The following KIF16B variants were observed in gnomAD, a reference collection of about 807,000 sequenced individuals.
KIF16B encodes kinesin-like protein KIF16B.
Under a neutral mutation model 156.3 loss-of-function variants are expected in KIF16B, and 98 were observed. The ratio of observed to expected loss-of-function variants is 0.63; its 90% CI spans 0.53 to 0.74. The LOEUF (loss-of-function observed/expected upper bound fraction) is 0.74, where lower values mean the gene tolerates loss of function less well. Ranked by LOEUF, KIF16B falls within the 30% of genes least tolerant of loss-of-function variation. The pLI is 0.00. For synonymous variants in KIF16B, 564 were observed against 583.7 expected (o/e 0.97, Z 0.49); for missense variants, 1,421 against 1,606.5 (o/e 0.88, Z 1.97).
intron 22 of KIF16B, among the ~76,000 whole-genome samples, chr20:16,357,920 T>C (rs1239716316): frequency 6.6e-6 from 1 of 152,196 alleles, no homozygotes; most frequent in Non-Finnish European, 1.5e-5. Context: ...CTGGGCACAG[T>C]GGCTCACACC....
At chr20:16,506,865 T>C (rs2068795780) in intron 7 of KIF16B, among the ~76,000 whole-genome samples, 1 of 151,364 alleles carries the variant, frequency 6.6e-6, no homozygotes, top group South Asian at 2.1e-4. Context: ...GAGGCCAAGG[T>C]GGGAGGATCG....
intron 25 of KIF16B, among the ~76,000 whole-genome samples, chr20:16,301,622 T>G (rs1453880879): frequency 6.6e-6 from 1 of 152,148 alleles, no homozygotes; most frequent in East Asian, 1.9e-4. Context: ...TCTGTATATC[T>G]TCTTTGGTGA....
intron 22 of KIF16B, 45 bp from the exon 23 acceptor site, chr20:16,356,497 T>C: frequency 1.2e-6 from 2 of 1,610,514 alleles, no homozygotes; most frequent in Non-Finnish European, 8.5e-7. Context: ...GAAACCAGAA[T>C]CACTCCACTG....
rs541298170 is a variant in KIF16B at position 16,406,289 on chromosome 20, C to T, written c.1695+85G>A. ...TCCACGGTTCTGCACCCCAGAAAGT[C>T]AAAAGATTGGAACCAGAGTGACCAC... On this transcript the variant is annotated intron_variant, in intron 16 of 25. Transcript: ENST00000354981. The T allele has an allele frequency of 2.1e-5, 25 of 1,176,612 alleles. No homozygotes were observed. In the East Asian group the frequency reaches 5.9e-4, roughly 28 times the overall value. 72.9% of individuals were successfully genotyped at this position (1,176,612 alleles called of 1,614,324 possible). A position where few individuals can be genotyped will look rare whatever the true frequency, so the allele number is the denominator to read the frequency against.
chr20:16,565,691 C>T (rs775250947), intron 1 of KIF16B, among the ~76,000 whole-genome samples: 4 of 152,208 alleles, frequency 2.6e-5, no homozygotes, highest in African/African-American at 4.8e-5. Flanking sequence ...TCTGCAAATG[C>T]GCATCCGCAG....
At chr20:16,550,748 T>C (rs1322182814) in intron 1 of KIF16B, among the ~76,000 whole-genome samples, 2 of 151,992 alleles carry the variant, frequency 1.3e-5, no homozygotes, top group Non-Finnish European at 2.9e-5. Context: ...TTGCTCAGGC[T>C]GGACTCAAAC....
intron 24 of KIF16B, among the ~76,000 whole-genome samples, chr20:16,313,632 A>G (rs934909695): frequency 6.6e-6 from 1 of 152,160 alleles, no homozygotes; most frequent in Non-Finnish European, 1.5e-5. Context: ...CACTATGACA[A>G]TAGCATCGCT....
At chr20:16,280,035 A>C (rs1035623344) in intron 25 of KIF16B, among the ~76,000 whole-genome samples, 15 of 152,242 alleles carry the variant, frequency 9.9e-5, no homozygotes, top group Admixed American at 2.6e-4. Flanking sequence ...ACATTCTTGA[A>C]GGTCATTATA....
At chr20:16,530,535 G>A (rs1037597645) in intron 1 of KIF16B, among the ~76,000 whole-genome samples, 11 of 152,148 alleles carry the variant, frequency 7.2e-5, no homozygotes, top group South Asian at 2.1e-4. Flanking sequence ...GGCAGGGCAC[G>A]CTCCCCAAGC....
chr20:16,556,596 A>G (rs937695851), intron 1 of KIF16B, among the ~76,000 whole-genome samples: 5 of 152,228 alleles, frequency 3.3e-5, no homozygotes, highest in South Asian at 4.2e-4. Context: ...CACTCCTCCA[A>G]TGGCCCTACC....
intron 10 of KIF16B, among the ~76,000 whole-genome samples, chr20:16,499,221 C>T (rs780922734): frequency 7.9e-5 from 12 of 152,172 alleles, no homozygotes; most frequent in African/African-American, 9.7e-5. Flanking sequence ...GCACATCCTC[C>T]AGGGGCCCCA....
chr20:16,366,950 G>C (rs1024973558), intron 22 of KIF16B: 11 of 1,253,882 alleles, frequency 8.8e-6, no homozygotes, highest in Non-Finnish European at 1.1e-5. Context: ...TATTTTATTG[G>C]GGCTCTGCTA....
intron 12 of KIF16B, among the ~76,000 whole-genome samples, chr20:16,458,584 T>C (rs990289090): frequency 1.3e-5 from 2 of 152,120 alleles, no homozygotes; most frequent in African/African-American, 4.8e-5. Flanking sequence ...ATTCCAAAAA[T>C]GGCATGCAAT....
intron 23 of KIF16B, among the ~76,000 whole-genome samples, chr20:16,351,632 G>A (rs1168905229): frequency 1.3e-5 from 2 of 152,132 alleles, no homozygotes; most frequent in Non-Finnish European, 2.9e-5. Flanking sequence ...AGCCAGACTG[G>A]CACTGCTTCA....
intron 25 of KIF16B, among the ~76,000 whole-genome samples, chr20:16,295,358 C>A (rs1250936026): frequency 2.0e-5 from 3 of 152,056 alleles, no homozygotes; most frequent in Non-Finnish European, 4.4e-5. Context: ...TATTCTACTG[C>A]ATAACAATTC....
At chr20:16,313,875 T>C (rs978836361) in intron 24 of KIF16B, among the ~76,000 whole-genome samples, 3 of 152,236 alleles carry the variant, frequency 2.0e-5, no homozygotes, top group Middle Eastern at 3.2e-3. Flanking sequence ...TTGTGGTTAC[T>C]AGAATTGTGC....
chr20:16,309,613 G>A (rs2063590128), intron 25 of KIF16B, among the ~76,000 whole-genome samples: 1 of 152,074 alleles, frequency 6.6e-6, no homozygotes, highest in African/African-American at 2.4e-5. Context: ...CAAACACAAG[G>A]TCCAAATCTT....
chr20:16,391,845 C>T (rs1417341572), intron 17 of KIF16B, among the ~76,000 whole-genome samples: 1 of 152,082 alleles, frequency 6.6e-6, no homozygotes, highest in East Asian at 1.9e-4. Flanking sequence ...GACAGAGATC[C>T]CCACCTGGCT....
intron 15 of KIF16B, among the ~76,000 whole-genome samples, chr20:16,419,858 A>T (rs1307017024): frequency 6.6e-6 from 1 of 152,152 alleles, no homozygotes; most frequent in African/African-American, 2.4e-5. Context: ...CATATTAAGT[A>T]TATAAAACAG....
Sources: allele counts gnomAD v4.1 joint callset (sites outside exome capture counted in the v4.1 genomes callset), GRCh38; gene constraint gnomAD v4.1.1; transcripts MANE v1.5; gene names NCBI Gene and HGNC (gene_info 2026-07-23, HGNC 2026-07-21).